Variants in ZNF536 observed in about 807,000 individuals in gnomAD.
ZNF536 encodes zinc finger protein 536.
Under a neutral mutation model 84.5 loss-of-function variants are expected in ZNF536, and 13 were observed. The ratio of observed to expected loss-of-function variants is 0.15; its 90% CI spans 0.10 to 0.24. ZNF536 has a LOEUF of 0.24. Among genes scored for constraint, ZNF536 ranks in the 10% least tolerant of loss-of-function variants. The pLI, the probability that ZNF536 is intolerant of heterozygous loss-of-function variation, is 1.00. For synonymous variants in ZNF536, 811 were observed against 742.5 expected (o/e 1.09, Z -1.50); for missense variants, 1,536 against 1,747.5 (o/e 0.88, Z 2.16).
At chr19:30,533,641 C>T (rs2044950483) in intron 2 of ZNF536, among the ~76,000 whole-genome samples, 1 of 152,194 alleles carries the variant, frequency 6.6e-6, no homozygotes, top group Admixed American at 6.5e-5. Flanking sequence ...AAGCAGTTTG[C>T]ATTTTCCATT....
intron 1 of ZNF536, among the ~76,000 whole-genome samples, chr19:30,646,335 G>A (rs1204085372): frequency 6.6e-6 from 1 of 152,190 alleles, no homozygotes; most frequent in East Asian, 1.9e-4. Flanking sequence ...GCAGCCTCTG[G>A]GGAAAGAAGC....
intron 3 of ZNF536, among the ~76,000 whole-genome samples, chr19:30,357,242 T>G (rs903411327): frequency 6.6e-6 from 1 of 151,852 alleles, no homozygotes; most frequent in Non-Finnish European, 1.5e-5. Context: ...TAGCTAGAGG[T>G]CTGGAGGACA....
At chr19:30,499,020 ACTT>A (rs1023713170) in intron 2 of ZNF536, among the ~76,000 whole-genome samples, 2 of 141,122 alleles carry the variant, frequency 1.4e-5, no homozygotes, top group African/African-American at 5.1e-5. Context: ...CTTATTTGGT[ACTT>A]CTTTTTCTTC....
At chr19:30,519,223 G>A (rs79786906) in intron 2 of ZNF536, among the ~76,000 whole-genome samples, 5,101 of 152,324 alleles carry the variant, frequency 0.033, 300 homozygotes, top group African/African-American at 0.12. Context: ...GCCCAGCTCT[G>A]GGGTGGGGCT....
chr19:30,487,294 C>T (rs1434877340), intron 2 of ZNF536, among the ~76,000 whole-genome samples: 1 of 152,122 alleles, frequency 6.6e-6, no homozygotes, highest in Non-Finnish European at 1.5e-5. Flanking sequence ...AAATGTATGG[C>T]ACTGGGGCAT....
At chr19:30,534,569 GA>G (rs2044989801) in intron 2 of ZNF536, among the ~76,000 whole-genome samples, 1 of 152,144 alleles carries the variant, frequency 6.6e-6, no homozygotes, top group African/African-American at 2.4e-5. Flanking sequence ...AGCAAAAGAA[GA>G]AATCAAACCA....
intron 1 of ZNF536, among the ~76,000 whole-genome samples, chr19:30,392,001 A>T (rs943309834): frequency 6.6e-6 from 1 of 152,094 alleles, no homozygotes; most frequent in Non-Finnish European, 1.5e-5. Flanking sequence ...CGCCAAAAAA[A>T]GTGTATTTTA....
At position 30,654,651 on chromosome 19, in the gene ZNF536, C is replaced by T. The variant is rs117355550; in HGVS notation, c.170-56106C>T. On this transcript the variant is annotated intron_variant, in intron 1 of 1. Coordinates refer to the ZNF536 transcript ENST00000592773. ...TATCTAGGTCTTTAGTTCTTTTAACCGGGCGATTGTTGCTGTAATGGGTCT... is the reference window on the plus strand; with the variant it reads ...TATCTAGGTCTTTAGTTCTTTTAACTGGGCGATTGTTGCTGTAATGGGTCT... 5.4e-3 allele frequency among the ~76,000 whole-genome samples: 825 copies of T among 152,240 alleles called. 9 individuals carry two copies. The highest frequency in any genetic ancestry group is 0.019 in the African/African-American group (775 of 41,540).
rs71173904 is a variant in ZNF536 at position 30,417,148 on chromosome 19, A to ATTTTTTTTT, written c.-2-26393_-2-26385dup. ...GCCACCACGCCAGGCTAATTTTTGTATTTTTTTTTTTTTTTTTTTTTTTTT... is the reference window on the plus strand; with the variant it reads ...GCCACCACGCCAGGCTAATTTTTGTATTTTTTTTTTTTTTTTTTTTTTTTTTTTTTTTTT... On this transcript the variant is annotated intron_variant, in intron 1 of 4. Transcript: ENST00000355537. Among the ~76,000 whole-genome samples, 144 of 100,212 alleles carry ATTTTTTTTT rather than the reference A, an allele frequency of 1.4e-3. 2 individuals are homozygous for ATTTTTTTTT. Among genetic ancestry groups the ATTTTTTTTT allele is most frequent in the African/African-American group, 4.6e-3 (113 of 24,378 alleles). The allele number at this position is 100,212 out of a possible 152,430, so 65.7% of individuals were successfully genotyped here.
At chr19:30,254,687 C>G (rs565027705) in intron 1 of ZNF536, among the ~76,000 whole-genome samples, 2 of 151,824 alleles carry the variant, frequency 1.3e-5, no homozygotes, top group South Asian at 4.2e-4. Context: ...AGTCGGTAGT[C>G]CAACTGTGCA....
upstream of ZNF536, among the ~76,000 whole-genome samples, chr19:30,367,893 C>T (rs2048488638): frequency 6.6e-6 from 1 of 152,188 alleles, no homozygotes; most frequent in Admixed American, 6.5e-5. Context: ...TCCTCCTGCA[C>T]CTTCCCATGT....
chr19:30,566,386 A>G (rs1166467002), intron 1 of ZNF536, among the ~76,000 whole-genome samples: 1 of 152,234 alleles, frequency 6.6e-6, no homozygotes, highest in East Asian at 1.9e-4. Flanking sequence ...AAAGTTGTAA[A>G]TAATAAAGAC....
chr19:30,380,210 C>A (rs1198782366), intron 1 of ZNF536, among the ~76,000 whole-genome samples: 4 of 152,084 alleles, frequency 2.6e-5, no homozygotes, highest in Non-Finnish European at 4.4e-5. Flanking sequence ...TGCCAGCCGT[C>A]AGCCTTTTGT....
intron 1 of ZNF536, among the ~76,000 whole-genome samples, chr19:30,680,601 C>T (rs1261586744): frequency 1.3e-5 from 2 of 152,072 alleles, no homozygotes. Flanking sequence ...TCTGTGGCTG[C>T]ATAGTATTCC....
intron 1 of ZNF536, among the ~76,000 whole-genome samples, chr19:30,417,763 A>T (rs1433072): frequency 0.6 from 91,375 of 151,912 alleles, 28,192 homozygotes; most frequent in Non-Finnish European, 0.65. Context: ...GGGGGTCGGA[A>T]TTTTTGTTTG....
At chr19:30,646,210 C>T (rs1214220605) in intron 1 of ZNF536, among the ~76,000 whole-genome samples, 1 of 152,160 alleles carries the variant, frequency 6.6e-6, no homozygotes, top group Non-Finnish European at 1.5e-5. Flanking sequence ...CTATTATTAC[C>T]GTAATGTGAC....
upstream of ZNF536, among the ~76,000 whole-genome samples, chr19:30,371,623 A>G (rs965422881): frequency 5.6e-5 from 8 of 143,196 alleles, no homozygotes; most frequent in African/African-American, 2.1e-4. Context: ...GATGTAATCT[A>G]GTATCACTGC....
Position 30,513,125 on chromosome 19 carries a change from AT to A in ZNF536, c.2171-21714del, listed in dbSNP as rs200024610. ...GTGACACATTAGAATAATGGAAAGC[AT>A]TTTTTTTATATCATAGAATCAAAAC... On this transcript the variant is annotated intron_variant, in intron 2 of 4. Transcript: ENST00000355537. Among the ~76,000 whole-genome samples the A allele has an allele frequency of 6.0e-3, 917 of 152,120 alleles. 2 individuals carry two copies. Among genetic ancestry groups the A allele is most frequent in the Non-Finnish European group, 9.8e-3 (666 of 67,976 alleles).
rs567495966 is a variant in ZNF536, at chr19:30,612,496, G to A, written c.169+62982G>A. ...AGATACCATGGAGAGAGGAAAACAC[G>A]GCTTCCCATCTTAAAATGAGGCTGA... On this transcript the variant is annotated intron_variant, in intron 1 of 1. Transcript: ENST00000592773. 1.5e-4 allele frequency among the ~76,000 whole-genome samples: 23 copies of A among 152,252 alleles called. No homozygotes were observed. The East Asian group carries it at 2.9e-3, about 19-fold the overall frequency.
Sources: allele counts gnomAD v4.1 joint callset (sites outside exome capture counted in the v4.1 genomes callset), GRCh38; gene constraint gnomAD v4.1.1; transcripts MANE v1.5; gene names NCBI Gene and HGNC (gene_info 2026-07-23, HGNC 2026-07-21).